The following COL6A2 variants were observed in gnomAD, a reference collection of about 807,000 sequenced individuals.
COL6A2 encodes collagen type VI alpha 2 chain.
In COL6A2, 90 loss-of-function variants were observed where a neutral mutation model predicts 124.9. The ratio of observed to expected loss-of-function variants is 0.72; its 90% CI spans 0.61 to 0.86. The LOEUF is 0.86. COL6A2 is among the 40% of genes least tolerant of loss of function. COL6A2 has a pLI of 0.00. For missense variants in COL6A2, 1,607 were observed against 1,502.5 expected (o/e 1.07, Z -1.15); for synonymous variants, 793 against 618.2 (o/e 1.28, Z -4.19).
At chr21:46,102,101 G>C (rs2078294375) in intron 1 of COL6A2, among the ~76,000 whole-genome samples, 1 of 151,778 alleles carries the variant, frequency 6.6e-6, no homozygotes, top group African/African-American at 2.4e-5. Context: ...AGTTCTCATT[G>C]TACAGGTCTT....
At chr21:46,098,620 G>A (rs915711188) in intron 1 of COL6A2, among the ~76,000 whole-genome samples, 2 of 151,624 alleles carry the variant, frequency 1.3e-5, no homozygotes, top group Non-Finnish European at 2.9e-5. Context: ...GGGGCGCAGG[G>A]CCTCTCCCCG....
chr21:46,125,746 C>G (rs564552623), intron 25 of COL6A2, 39 bp from the exon 26 acceptor site: 1 of 1,605,480 alleles, frequency 6.2e-7, no homozygotes. Context: ...CCCCAGACCC[C>G]GAGGCCTCTG....
chr21:46,115,788 C>T (rs568220664), intron 5 of COL6A2, 84 bp from the exon 6 acceptor site: 285 of 1,251,138 alleles, frequency 2.3e-4, no homozygotes, highest in Admixed American at 1.7e-3. Context: ...TGCTGTGTCA[C>T]CTCTCAGAGG....
chr21:46,132,661 C>T lies in COL6A2; in HGVS notation c.*109C>T. 1 of 1,147,886 alleles carries T rather than the reference C, an allele frequency of 8.7e-7. No individual in the cohort carries two copies. Among genetic ancestry groups the T allele is most frequent in the Non-Finnish European group, 1.3e-6 (1 of 796,962 alleles). The allele number at this position is 1,147,886 out of a possible 1,614,324, so 71.1% of individuals were successfully genotyped here. A position where few individuals can be genotyped will look rare whatever the true frequency, so the allele number is the denominator to read the frequency against. On this transcript the variant is annotated 3_prime_UTR_variant, in exon 28 of 28. Transcript: ENST00000300527. ...CACCGCTGCTCACTCGGACGACGCCCTGGGCCTGCACCTCTCCAGCTCCTC... is the reference window on the plus strand; with the variant it reads ...CACCGCTGCTCACTCGGACGACGCCTTGGGCCTGCACCTCTCCAGCTCCTC...
chr21:46,116,539 T>TG lies in COL6A2; in HGVS notation c.928-106dup, dbSNP rs1273338508. Reference sequence around the variant, plus strand: ...TCTCAGTGGTGGCTTTGGGGGCTCCTGGGGGGTCCTGTGGCCTTGAGTTTG... The same window carrying TG: ...TCTCAGTGGTGGCTTTGGGGGCTCCTGGGGGGGTCCTGTGGCCTTGAGTTTG... On this transcript the variant is annotated intron_variant, in intron 8 of 27. Transcript: ENST00000300527. This position sits in a 1 kb window ranked among gnomAD's most constrained non-coding sequence, Gnocchi z 4.6. The TG allele has an allele frequency of 1.0e-5, 16 of 1,580,190 alleles. 1 individual carries two copies. Among genetic ancestry groups the TG allele is most frequent in the Admixed American group, 6.8e-5 (4 of 59,204 alleles).
intron 5 of COL6A2, 63 bp from the exon 6 acceptor site, chr21:46,115,809 G>A: frequency 6.9e-7 from 1 of 1,457,954 alleles, no homozygotes; most frequent in South Asian, 1.2e-5. Flanking sequence ...AGCTGTGGCA[G>A]GGTCCCCAGC....
chr21:46,131,002 C>T (rs747073325), intron 27 of COL6A2, among the ~76,000 whole-genome samples: 1 of 152,344 alleles, frequency 6.6e-6, no homozygotes, highest in East Asian at 1.9e-4. Context: ...TGGACCGTTG[C>T]ACCTCCAGGG....
At chr21:46,112,996 C>G in intron 4 of COL6A2, 172 bp downstream of exon 4, 1 of 787,568 alleles carries the variant, frequency 1.3e-6, no homozygotes, top group Non-Finnish European at 2.1e-6. Context: ...GGCTCCCAGC[C>G]AAAGCTAGGC....
intron 27 of COL6A2, among the ~76,000 whole-genome samples, chr21:46,127,711 T>C (rs1373468788): frequency 7.8e-6 from 1 of 128,814 alleles, no homozygotes; most frequent in Non-Finnish European, 1.7e-5. Flanking sequence ...TCACTGTGGG[T>C]GCTTTGCTAT....
chr21:46,131,627 G>C (rs1443244641), intron 27 of COL6A2, among the ~76,000 whole-genome samples: 1 of 152,188 alleles, frequency 6.6e-6, no homozygotes, highest in Non-Finnish European at 1.5e-5. Flanking sequence ...CTTGAGCCAT[G>C]AAAGGATGCT....
At chr21:46,104,200 A>G (rs1361613653) in intron 1 of COL6A2, among the ~76,000 whole-genome samples, 2 of 152,218 alleles carry the variant, frequency 1.3e-5, no homozygotes, top group Non-Finnish European at 2.9e-5. Context: ...CTGTCACTGA[A>G]AAAGACTTGG....
chr21:46,106,914 AC>A (rs1293372748), intron 1 of COL6A2, among the ~76,000 whole-genome samples: 1 of 152,212 alleles, frequency 6.6e-6, no homozygotes, highest in Non-Finnish European at 1.5e-5. Flanking sequence ...ACTCCTATCT[AC>A]AAAAATGCAA....
chr21:46,118,420 G>A (rs541480838), intron 12 of COL6A2, among the ~76,000 whole-genome samples, 194 bp from the exon 13 acceptor site: 15 of 152,310 alleles, frequency 9.8e-5, no homozygotes, highest in East Asian at 3.9e-4. Flanking sequence ...CGTCCTGCCC[G>A]TGACACACAC....
chr21:46,118,713 G>A, intron 13 of COL6A2, 37 bp downstream of exon 13: 1 of 1,590,686 alleles, frequency 6.3e-7, no homozygotes, highest in Non-Finnish European at 8.6e-7. Context: ...AGCTGAGCTG[G>A]CCACACTCAC....
chr21:46,120,508 C>G lies in COL6A2; in HGVS notation c.1333-7C>G. 2 of 1,514,346 alleles carry G rather than the reference C, an allele frequency of 1.3e-6. No individual in the cohort carries two copies. The highest frequency in any genetic ancestry group is 1.8e-6 in the Non-Finnish European group (2 of 1,133,300). 93.8% of individuals were successfully genotyped at this position (1,514,346 alleles called of 1,614,324 possible). A position where few individuals can be genotyped will look rare whatever the true frequency, so the allele number is the denominator to read the frequency against. On this transcript the variant is annotated splice_polypyrimidine_tract_variant and splice_region_variant and intron_variant, in intron 15 of 27. Coordinates refer to ENST00000300527, the MANE Select transcript of COL6A2 (RefSeq NM_001849.4). ...AGACCCGTGGGGCCTCCCTTCCCTT[C>G]CCACAGGGGGACCCTGGCCCTGAGG...
In COL6A2 at chr21:46,129,747, T is replaced by C. The variant is rs899568390; in HGVS notation, c.2462-2207T>C. 12 of 1,356,074 alleles carry C rather than the reference T, an allele frequency of 8.8e-6. No homozygotes were observed. The Admixed American group carries it at 1.6e-4, about 18-fold the overall frequency. The allele number at this position is 1,356,074 out of a possible 1,614,324, so 84.0% of individuals were successfully genotyped here. ...GCTCTCTTTATAAGAACCCTGGTCA[T>C]TGAATTTAAGGCCCACCCCAAGTCC... On this transcript the variant is annotated intron_variant, in intron 27 of 27. Transcript: ENST00000300527.
chr21:46,126,492 C>T lies in COL6A2; in HGVS notation c.2423-11C>T, dbSNP rs199952790. The T allele has an allele frequency of 1.0e-3, 1,629 of 1,556,040 alleles. 2 individuals carry two copies. Among genetic ancestry groups the T allele is most frequent in the Non-Finnish European group, 1.3e-3 (1,472 of 1,129,618 alleles). On this transcript the variant is annotated splice_polypyrimidine_tract_variant and intron_variant, in intron 26 of 27. Coordinates refer to ENST00000300527, the MANE Select transcript of COL6A2 (RefSeq NM_001849.4). ...ACCCTGGCCTGGCCCGGCCTCTCTC[C>T]TCTCTTCCAGACCCTCAGATCGTGT...
chr21:46,118,260 G>A (rs2078507642), intron 12 of COL6A2, among the ~76,000 whole-genome samples: 1 of 152,096 alleles, frequency 6.6e-6, no homozygotes, highest in Non-Finnish European at 1.5e-5. Flanking sequence ...CTGCCCTCCT[G>A]GGCCGCCTGC....
chr21:46,122,572 G>T, intron 20 of COL6A2, 41 bp downstream of exon 20: 1 of 1,606,790 alleles, frequency 6.2e-7, no homozygotes, highest in Non-Finnish European at 8.5e-7. Flanking sequence ...CCCAGGGTGG[G>T]GGTCTGCACG....
Sources: allele counts gnomAD v4.1 joint callset (sites outside exome capture counted in the v4.1 genomes callset), GRCh38; gene constraint gnomAD v4.1.1; non-coding constraint Gnocchi (gnomAD v3.1); transcripts MANE v1.5; gene names NCBI Gene and HGNC (gene_info 2026-07-23, HGNC 2026-07-21).